GRM8: variants seen among roughly 807,000 people sequenced by gnomAD.
GRM8 encodes glutamate metabotropic receptor 8, also known as metabotropic glutamate receptor 8.
Under a neutral mutation model 87.2 loss-of-function variants are expected in GRM8, and 47 were observed. That is an observed-to-expected ratio of 0.54 (90% CI 0.43 to 0.69). GRM8 has a LOEUF of 0.69. Among genes scored for constraint, GRM8 ranks in the 30% least tolerant of loss-of-function variants. GRM8 has a pLI of 0.00. For missense variants in GRM8, 1,019 were observed against 1,139.2 expected (o/e 0.89, Z 1.52); for synonymous variants, 396 against 404.5 (o/e 0.98, Z 0.25).
At chr7:126,920,545 T>A (rs1335575413) in intron 3 of GRM8, among the ~76,000 whole-genome samples, 5 of 152,110 alleles carry the variant, frequency 3.3e-5, no homozygotes. Context: ...GGTGTTCTAC[T>A]TAACATGATG....
intron 6 of GRM8, among the ~76,000 whole-genome samples, chr7:126,795,111 T>C (rs756799334): frequency 2.0e-5 from 3 of 152,198 alleles, no homozygotes; most frequent in Non-Finnish European, 4.4e-5. Flanking sequence ...TTATTACATT[T>C]GGCAGCCCAA....
At chr7:126,669,723 T>A (rs1806181995) in intron 7 of GRM8, among the ~76,000 whole-genome samples, 1 of 152,196 alleles carries the variant, frequency 6.6e-6, no homozygotes, top group African/African-American at 2.4e-5. Context: ...TAACAATTGC[T>A]GGGGTTACCA....
chr7:126,848,304 T>C (rs1796892113), intron 6 of GRM8, among the ~76,000 whole-genome samples: 2 of 152,174 alleles, frequency 1.3e-5, no homozygotes, highest in Non-Finnish European at 2.9e-5. Context: ...TAAGACCACA[T>C]ACGACTATTG....
intron 8 of GRM8, among the ~76,000 whole-genome samples, chr7:126,588,357 G>A (rs59969183): frequency 0.31 from 46,940 of 151,948 alleles, 8,132 homozygotes; most frequent in East Asian, 0.44. Context: ...GTTGGTGGGG[G>A]TATAAATTAT....
At chr7:127,154,994 G>C (rs181170215) in intron 2 of GRM8, among the ~76,000 whole-genome samples, 1 of 152,168 alleles carries the variant, frequency 6.6e-6, no homozygotes, top group African/African-American at 2.4e-5. Context: ...ACCCCTGAAA[G>C]CCTGAAGAAG....
At position 126,533,105 on chromosome 7, in the gene GRM8, C is replaced by T; in HGVS notation, c.2277G>A (p.Leu759=). The T allele has an allele frequency of 6.2e-7, 1 of 1,613,360 alleles. No homozygotes were observed. Among genetic ancestry groups the T allele is most frequent in the Non-Finnish European group, 8.5e-7 (1 of 1,179,870 alleles). Residue 759 remains leucine (L), a synonymous_variant, in exon 9 of 11, where the codon TTG becomes TTA. Coordinates refer to ENST00000339582, the MANE Select transcript of GRM8 (RefSeq NM_000845.3). ...TGGCATAAACAGTACAAGTGACCATCAAGAGGATACTGTATCCAAGTGAAC... is the reference window on the plus strand; with the variant it reads ...TGGCATAAACAGTACAAGTGACCATTAAGAGGATACTGTATCCAAGTGAAC... ...LICSLGYSIL[L]MVTCTVYAIK... is the part of the protein sequence containing the mutation.
intron 7 of GRM8, among the ~76,000 whole-genome samples, chr7:126,736,394 C>T (rs1414481768): frequency 3.9e-5 from 6 of 152,014 alleles, no homozygotes; most frequent in Admixed American, 1.3e-4. Context: ...ACACAATCTG[C>T]TGAAACAAGC....
chr7:127,174,617 C>T (rs2116353351), intron 2 of GRM8, among the ~76,000 whole-genome samples: 1 of 152,300 alleles, frequency 6.6e-6, no homozygotes, highest in African/African-American at 2.4e-5. Flanking sequence ...TTTTCAGTCT[C>T]TTCCAAGGGT....
chr7:126,768,572 G>T (rs1051477153), intron 7 of GRM8, among the ~76,000 whole-genome samples: 4 of 151,844 alleles, frequency 2.6e-5, no homozygotes, highest in African/African-American at 4.8e-5. Context: ...TTAGTAATTT[G>T]CCTTTAAAAT....
chr7:127,155,230 G>C (rs1028769570), intron 2 of GRM8, among the ~76,000 whole-genome samples: 1 of 152,130 alleles, frequency 6.6e-6, no homozygotes, highest in Non-Finnish European at 1.5e-5. Flanking sequence ...AGTGCCACCT[G>C]TATCTTTGCC....
chr7:127,169,035 G>A (rs1793626676), intron 2 of GRM8, among the ~76,000 whole-genome samples: 1 of 149,700 alleles, frequency 6.7e-6, no homozygotes, highest in African/African-American at 2.5e-5. Flanking sequence ...TTAATAAAAT[G>A]TTTTATTTAT....
intron 9 of GRM8, among the ~76,000 whole-genome samples, chr7:126,501,621 G>C (rs140900489): frequency 1.2e-3 from 180 of 152,136 alleles, no homozygotes; most frequent in Non-Finnish European, 2.2e-3. Context: ...CATTAAATAA[G>C]AGCAAATACT....
intron 2 of GRM8, among the ~76,000 whole-genome samples, chr7:127,129,561 A>G (rs1003754023): frequency 3.3e-5 from 5 of 152,170 alleles, no homozygotes; most frequent in Admixed American, 3.3e-4. Flanking sequence ...TCATCTAGAC[A>G]TGACACAGAA....
At chr7:126,955,700 G>A (rs529150550) in intron 3 of GRM8, among the ~76,000 whole-genome samples, 1 of 152,162 alleles carries the variant, frequency 6.6e-6, no homozygotes, top group East Asian at 1.9e-4. Context: ...AAATCCCAAT[G>A]GGTCTTTTCC....
At chr7:127,141,835 G>A (rs998932967) in intron 2 of GRM8, among the ~76,000 whole-genome samples, 1 of 152,116 alleles carries the variant, frequency 6.6e-6, no homozygotes, top group East Asian at 1.9e-4. Context: ...CTCAGGCACA[G>A]ACCAAGACTA....
chr7:127,150,322 G>A (rs1443623053), intron 2 of GRM8, among the ~76,000 whole-genome samples: 1 of 152,010 alleles, frequency 6.6e-6, no homozygotes, highest in East Asian at 1.9e-4. Context: ...ACTTCAAAAG[G>A]AGGCTGGTCA....
chr7:126,826,451 T>G (rs1794808968), intron 6 of GRM8, among the ~76,000 whole-genome samples: 1 of 152,228 alleles, frequency 6.6e-6, no homozygotes, highest in South Asian at 2.1e-4. Context: ...GGTTTTGATT[T>G]GCGTTTCTCT....
At chr7:127,066,096 T>G (rs543517423) in intron 3 of GRM8, among the ~76,000 whole-genome samples, 18 of 152,346 alleles carry the variant, frequency 1.2e-4, no homozygotes, top group Non-Finnish European at 1.9e-4. Context: ...TTGGTTTTTC[T>G]TAATGTTTAA....
At chr7:127,232,183 TTG>T (rs71529431) in intron 2 of GRM8, among the ~76,000 whole-genome samples, 7,765 of 129,582 alleles carry the variant, frequency 0.06, 743 homozygotes, top group African/African-American at 0.23. Flanking sequence ...TGTTTCTTCT[TTG>T]TGTGTGTGTG....
Sources: gnomAD v4.1 joint callset for allele counts (sites outside exome capture counted in the v4.1 genomes callset) on GRCh38, gnomAD v4.1.1 for gene constraint, MANE v1.5 for transcripts, NCBI Gene and HGNC (gene_info 2026-07-23, HGNC 2026-07-21) for gene names.